Variants in FMN1 observed in about 807,000 individuals in gnomAD.
FMN1 encodes the protein formin 1.
In FMN1, 110 loss-of-function variants were observed where a neutral mutation model predicts 132.4. That is an observed-to-expected ratio of 0.83 (90% CI 0.71 to 0.97). FMN1 has a LOEUF of 0.97. Ranked by LOEUF, FMN1 falls within the 50% of genes least tolerant of loss-of-function variation. The probability of loss-of-function intolerance (pLI) is 0.00; values close to 1 mark genes in which losing one functional copy is unlikely to be tolerated. For synonymous variants in FMN1, 722 were observed against 651.7 expected (o/e 1.11, Z -1.64); for missense variants, 1,792 against 1,705.3 (o/e 1.05, Z -0.90).
intron 7 of FMN1, among the ~76,000 whole-genome samples, chr15:32,990,925 T>G (rs572027794): frequency 4.7e-4 from 72 of 152,282 alleles, no homozygotes; most frequent in African/African-American, 1.6e-3. Flanking sequence ...TCCCATGATT[T>G]AATTACCTCC....
chr15:33,071,477 TAAG>T (rs2037997861), intron 5 of FMN1, among the ~76,000 whole-genome samples: 1 of 152,304 alleles, frequency 6.6e-6, no homozygotes, highest in African/African-American at 2.4e-5. Flanking sequence ...TGTGAGGACA[TAAG>T]AATGAAGATA....
chr15:32,944,115 G>A (rs2061455022), intron 9 of FMN1, among the ~76,000 whole-genome samples: 1 of 152,196 alleles, frequency 6.6e-6, no homozygotes, highest in Admixed American at 6.5e-5. Context: ...CCTGGGGAAG[G>A]GGAAGGGCAG....
chr15:32,919,107 C>A (rs771163197), intron 10 of FMN1, among the ~76,000 whole-genome samples: 3 of 152,058 alleles, frequency 2.0e-5, no homozygotes, highest in Non-Finnish European at 4.4e-5. Flanking sequence ...TGGATAAACT[C>A]TTTCAGACGT....
chr15:33,051,318 T>C (rs1336219762), intron 6 of FMN1, among the ~76,000 whole-genome samples: 1 of 151,942 alleles, frequency 6.6e-6, no homozygotes, highest in East Asian at 1.9e-4. Context: ...CTGAAAGAAA[T>C]GGGGGCCACA....
chr15:32,968,745 A>G lies in FMN1; in HGVS notation c.2956T>C (p.Tyr986His). ...IEPSCPMKPL[Y>H]WTRIQISDRS... ...TCACTTATTTGTATCCTAGTCCAATATAAAGGCTTCATGGGACAACTGGGC... is the reference window on the plus strand; with the variant it reads ...TCACTTATTTGTATCCTAGTCCAATGTAAAGGCTTCATGGGACAACTGGGC... Residue 986 changes from tyrosine (Y) to histidine (H), a missense_variant, in exon 8 of 21, where the codon TAT becomes CAT. Physicochemically the swap from Tyr to His is moderately conservative, Grantham distance 83. Transcript: ENST00000616417. 6.2e-7 allele frequency: 1 copy of G among 1,613,384 alleles called. No homozygotes were observed. Among genetic ancestry groups the G allele is most frequent in the Non-Finnish European group, 8.5e-7 (1 of 1,179,644 alleles).
At chr15:33,067,838 G>A in intron 5 of FMN1, 6 of 1,613,746 alleles carry the variant, frequency 3.7e-6, no homozygotes, top group Non-Finnish European at 5.1e-6. Context: ...TGGTTTTGCT[G>A]GTTCTGACAC....
intron 17 of FMN1, among the ~76,000 whole-genome samples, chr15:32,811,385 G>C (rs1170304427): frequency 1.3e-5 from 2 of 152,144 alleles, no homozygotes; most frequent in African/African-American, 4.8e-5. Context: ...GTTGTATAAA[G>C]ACATGCTGTC....
intron 16 of FMN1, among the ~76,000 whole-genome samples, chr15:32,877,235 C>T (rs2059658414): frequency 1.3e-5 from 2 of 150,150 alleles, no homozygotes; most frequent in Admixed American, 6.6e-5. Flanking sequence ...TGCAGTGAGC[C>T]GAGATTGTGC....
chr15:33,085,975 G>T (rs2038675289), intron 5 of FMN1, among the ~76,000 whole-genome samples: 1 of 152,206 alleles, frequency 6.6e-6, no homozygotes, highest in Non-Finnish European at 1.5e-5. Flanking sequence ...GAGGAGACCA[G>T]GTGCGGTGGC....
rs192117157 is a variant in FMN1, at chr15:33,152,265, T to C, written c.1867+783A>G. On this transcript the variant is annotated intron_variant, in intron 4 of 20. Coordinates refer to ENST00000616417, the MANE Select transcript of FMN1 (RefSeq NM_001277313.2). ...TTTTGGTCCTATTGAATCCACAAAA[T>C]TATTTTCATGTAACATTTTAAATCA... is the stretch of plus-strand genomic sequence containing the variant. 1.0e-3 allele frequency among the ~76,000 whole-genome samples: 155 copies of C among 152,274 alleles called. 1 individual carries two copies. The highest frequency in any genetic ancestry group is 1.8e-3 in the Non-Finnish European group (124 of 68,014).
intron 18 of FMN1, among the ~76,000 whole-genome samples, chr15:32,802,864 G>C (rs1360503790): frequency 6.6e-6 from 1 of 152,288 alleles, no homozygotes. Flanking sequence ...AAGGTCAATA[G>C]AGAGACACAA....
intron 5 of FMN1, among the ~76,000 whole-genome samples, chr15:33,071,836 T>C (rs967200125): frequency 1.3e-5 from 2 of 152,216 alleles, no homozygotes; most frequent in African/African-American, 4.8e-5. Context: ...TCAATCTAAA[T>C]TGGTCTTGAA....
In FMN1 at chr15:32,771,876, G is replaced by GT. The variant is rs1289073506; in HGVS notation, c.*2433dup. On this transcript the variant is annotated 3_prime_UTR_variant, in exon 21 of 21. Transcript: ENST00000616417. Reference sequence around the variant, plus strand: ...TGACCTTTACTGAGCATCAATTTGAGTTAAAAATGAAGGCTGTGTCAGCAA... The same window carrying GT: ...TGACCTTTACTGAGCATCAATTTGAGTTTAAAAATGAAGGCTGTGTCAGCAA... 6.6e-6 allele frequency: 1 copy of GT among 152,214 alleles called. No homozygotes were observed. Among genetic ancestry groups the GT allele is most frequent in the African/African-American group, 2.4e-5 (1 of 41,448 alleles). 9.4% of individuals were successfully genotyped at this position (152,214 alleles called of 1,614,324 possible).
chr15:32,783,615 C>G (rs112940280), intron 19 of FMN1, among the ~76,000 whole-genome samples: 1 of 151,700 alleles, frequency 6.6e-6, no homozygotes, highest in African/African-American at 2.4e-5. Context: ...TGGTGGTGGG[C>G]GCCTGTAGTC....
chr15:32,792,738 A>G (rs915029479), intron 19 of FMN1, among the ~76,000 whole-genome samples: 2 of 152,144 alleles, frequency 1.3e-5, no homozygotes, highest in Non-Finnish European at 2.9e-5. Context: ...ATGCTATTTA[A>G]TATTAAAAGG....
intron 19 of FMN1, among the ~76,000 whole-genome samples, chr15:32,781,969 C>T (rs1053657513): frequency 6.6e-6 from 1 of 152,226 alleles, no homozygotes; most frequent in Non-Finnish European, 1.5e-5. Flanking sequence ...ACTGTTCCCT[C>T]AATGACGGTC....
intron 15 of FMN1, among the ~76,000 whole-genome samples, chr15:32,895,224 G>A (rs2060124820): frequency 6.6e-6 from 1 of 152,044 alleles, no homozygotes; most frequent in Non-Finnish European, 1.5e-5. Context: ...GAGTGTGATG[G>A]ATTGGGTGTT....
At chr15:33,046,126 C>A (rs1181921536) in intron 6 of FMN1, among the ~76,000 whole-genome samples, 1 of 151,964 alleles carries the variant, frequency 6.6e-6, no homozygotes, top group East Asian at 1.9e-4. Context: ...TAGTTCTATA[C>A]TTGTGAAAAT....
intron 5 of FMN1, chr15:33,066,824 G>C (rs1332072310): frequency 1.9e-6 from 3 of 1,613,908 alleles, no homozygotes; most frequent in Non-Finnish European, 2.5e-6. Context: ...TTCAGTTTTG[G>C]GCATGTCAAT....
Sources: allele counts gnomAD v4.1 joint callset (sites outside exome capture counted in the v4.1 genomes callset), GRCh38; gene constraint gnomAD v4.1.1; transcripts MANE v1.5; gene names NCBI Gene and HGNC (gene_info 2026-07-23, HGNC 2026-07-21).